EVL: variants seen among roughly 807,000 people sequenced by gnomAD.
The protein encoded by EVL is Enah/Vasp-like, also known as ena/VASP-like protein.
A neutral mutation model predicts 59.6 loss-of-function variants in EVL; 21 were observed. The ratio of observed to expected loss-of-function variants is 0.35; its 90% CI spans 0.25 to 0.51. The LOEUF (loss-of-function observed/expected upper bound fraction) is 0.51, where lower values mean the gene tolerates loss of function less well. Ranked by LOEUF, EVL falls within the 20% of genes least tolerant of loss-of-function variation. The probability of loss-of-function intolerance (pLI) is 0.97; values close to 1 mark genes in which losing one functional copy is unlikely to be tolerated. For missense variants in EVL, 462 were observed against 546.6 expected (o/e 0.85, Z 1.54); for synonymous variants, 198 against 203.5 (o/e 0.97, Z 0.23).
intron 4 of EVL, among the ~76,000 whole-genome samples, chr14:100,123,852 C>G (rs982659725): frequency 6.6e-6 from 1 of 152,176 alleles, no homozygotes; most frequent in African/African-American, 2.4e-5. Context: ...CTGCTGACCT[C>G]CAGCGGGACG....
chr14:100,005,972 A>G (rs1207308335), intron 1 of EVL, among the ~76,000 whole-genome samples: 2 of 150,950 alleles, frequency 1.3e-5, no homozygotes, highest in African/African-American at 4.9e-5. Context: ...TAAGTCAAAA[A>G]ATCTTTCCTT....
chr14:100,105,392 T>A (rs1440017728), intron 3 of EVL, among the ~76,000 whole-genome samples: 1 of 152,126 alleles, frequency 6.6e-6, no homozygotes, highest in Non-Finnish European at 1.5e-5. Context: ...GCCTGGCTCT[T>A]GCCCTAGTCC....
chr14:100,112,234 T>G (rs1374271272), intron 3 of EVL, among the ~76,000 whole-genome samples: 3 of 152,178 alleles, frequency 2.0e-5, no homozygotes, highest in Non-Finnish European at 4.4e-5. Flanking sequence ...GTTTCCAGTT[T>G]GAGAGTGGAC....
chr14:100,030,702 G>A (rs1271533027), intron 1 of EVL, among the ~76,000 whole-genome samples: 1 of 152,168 alleles, frequency 6.6e-6, no homozygotes. Flanking sequence ...GGCTTGGTTT[G>A]CATGCAAATT....
At chr14:100,096,213 A>G (rs919208668) in intron 2 of EVL, among the ~76,000 whole-genome samples, 2 of 152,350 alleles carry the variant, frequency 1.3e-5, no homozygotes, top group African/African-American at 2.4e-5. Context: ...GTGTGGAGCA[A>G]TAAAGGAAAG....
At chr14:100,070,277 G>GAA (rs1018948305) in intron 1 of EVL, among the ~76,000 whole-genome samples, 5 of 151,976 alleles carry the variant, frequency 3.3e-5, no homozygotes, top group Admixed American at 2.6e-4. Flanking sequence ...AAAAAGAAAA[G>GAA]AAAACAAGGG....
intron 1 of EVL, among the ~76,000 whole-genome samples, chr14:100,069,696 C>T (rs563764892): frequency 6.6e-6 from 1 of 152,202 alleles, no homozygotes; most frequent in South Asian, 2.1e-4. Flanking sequence ...TCTGGAGATT[C>T]TAGGTTATTC....
intron 7 of EVL, among the ~76,000 whole-genome samples, chr14:100,131,719 G>T (rs1595241782): frequency 6.6e-6 from 1 of 152,356 alleles, no homozygotes; most frequent in South Asian, 2.1e-4. Flanking sequence ...AGGAAGAGAT[G>T]ATAGGGGCAT....
Position 100,128,646 on chromosome 14 carries a change from C to A in EVL, c.615C>A (p.Pro205=). Residue 205 remains proline, a synonymous_variant, in exon 6 of 14, where the codon CCC becomes CCA. Coordinates refer to ENST00000392920, the MANE Select transcript of EVL (RefSeq NM_016337.3). Reference sequence around the variant, plus strand: ...CTGGGGCTACCCCACCTCCCCCACCCCCACTGCCAGCCGGAGGAGCCCAGG... The same window carrying A: ...CTGGGGCTACCCCACCTCCCCCACCACCACTGCCAGCCGGAGGAGCCCAGG... The part of the protein sequence containing the change: ...PPTGATPPPP[P]PLPAGGAQGS... 1.3e-6 allele frequency: 2 copies of A among 1,581,564 alleles called. No homozygotes were observed. Among genetic ancestry groups the A allele is most frequent in the East Asian group, 2.3e-5 (1 of 43,578 alleles).
intron 1 of EVL, among the ~76,000 whole-genome samples, chr14:100,044,724 A>T (rs2061522161): frequency 1.3e-5 from 2 of 152,324 alleles, no homozygotes; most frequent in African/African-American, 4.8e-5. Context: ...AGCTGGAAGT[A>T]ACCTAAGCAG....
intron 1 of EVL, among the ~76,000 whole-genome samples, chr14:99,976,645 C>T (rs2060772166): frequency 6.6e-6 from 1 of 152,084 alleles, no homozygotes; most frequent in Non-Finnish European, 1.5e-5. Context: ...TTAATATCTG[C>T]TGTTATAAGG....
intron 1 of EVL, among the ~76,000 whole-genome samples, chr14:100,052,364 G>T (rs2061660385): frequency 1.3e-5 from 2 of 152,070 alleles, no homozygotes; most frequent in South Asian, 2.1e-4. Context: ...TTAATATATT[G>T]AATGCATGCA....
chr14:100,078,031 C>T (rs1003532578), intron 1 of EVL, among the ~76,000 whole-genome samples: 3 of 152,182 alleles, frequency 2.0e-5, no homozygotes, highest in African/African-American at 7.2e-5. Context: ...GCCTTGGCCT[C>T]CCAAAGTGCT....
chr14:100,036,972 AG>A (rs2061398726), intron 1 of EVL, among the ~76,000 whole-genome samples: 1 of 152,202 alleles, frequency 6.6e-6, no homozygotes, highest in South Asian at 2.1e-4. Flanking sequence ...TCATGCTCAG[AG>A]GAAAGGCCCT....
At chr14:100,077,967 G>A (rs1458701851) in intron 1 of EVL, among the ~76,000 whole-genome samples, 1 of 152,054 alleles carries the variant, frequency 6.6e-6, no homozygotes, top group Non-Finnish European at 1.5e-5. Flanking sequence ...AGTAGAGATG[G>A]GGTTTCACCG....
chr14:100,038,548 A>G (rs953695995), intron 1 of EVL, among the ~76,000 whole-genome samples: 5 of 152,232 alleles, frequency 3.3e-5, no homozygotes, highest in Non-Finnish European at 7.3e-5. Flanking sequence ...TCTGGGTCCC[A>G]TTTGCATTTC....
chr14:100,033,952 A>G (rs891158181), intron 1 of EVL, among the ~76,000 whole-genome samples: 1 of 152,146 alleles, frequency 6.6e-6, no homozygotes, highest in African/African-American at 2.4e-5. Flanking sequence ...TAGGCCGGGC[A>G]TGGTGGCTCA....
upstream of EVL, among the ~76,000 whole-genome samples, chr14:100,061,980 T>C (rs1056005166): frequency 6.6e-6 from 1 of 151,940 alleles, no homozygotes; most frequent in African/African-American, 2.4e-5. Flanking sequence ...CATGTGCAAG[T>C]GGACCTGGGT....
chr14:100,070,080 G>T (rs948897935), intron 1 of EVL, among the ~76,000 whole-genome samples: 1 of 144,006 alleles, frequency 6.9e-6, no homozygotes, highest in Non-Finnish European at 1.5e-5. Context: ...AAAAAAAAAA[G>T]AAAGAAAGAA....
Sources: gnomAD v4.1 joint callset for allele counts (sites outside exome capture counted in the v4.1 genomes callset) on GRCh38, gnomAD v4.1.1 for gene constraint, MANE v1.5 for transcripts, NCBI Gene and HGNC (gene_info 2026-07-23, HGNC 2026-07-21) for gene names.